The following ARHGEF3 variants were observed in gnomAD, a reference collection of about 807,000 sequenced individuals.
ARHGEF3 encodes Rho guanine nucleotide exchange factor 3, also known as 59.8 kDA protein.
Under a neutral mutation model 63.2 loss-of-function variants are expected in ARHGEF3, and 28 were observed. That is an observed-to-expected ratio of 0.44 (90% CI 0.33 to 0.61). ARHGEF3 has a LOEUF of 0.61. Ranked by LOEUF, ARHGEF3 falls within the 20% of genes least tolerant of loss-of-function variation. The pLI, the probability that ARHGEF3 is intolerant of heterozygous loss-of-function variation, is 0.03. For synonymous variants in ARHGEF3, 266 were observed against 254.2 expected (o/e 1.05, Z -0.44); for missense variants, 533 against 659.3 (o/e 0.81, Z 2.10).
chr3:56,874,324 G>A (rs931888476), intron 4 of ARHGEF3, among the ~76,000 whole-genome samples: 1 of 152,142 alleles, frequency 6.6e-6, no homozygotes, highest in Non-Finnish European at 1.5e-5. Context: ...GGTCTCCTCG[G>A]TGATAAGAGC....
At chr3:57,059,122 C>T (rs1384322271) in intron 1 of ARHGEF3, among the ~76,000 whole-genome samples, 1 of 151,854 alleles carries the variant, frequency 6.6e-6, no homozygotes, top group Non-Finnish European at 1.5e-5. Context: ...GCACATGTAC[C>T]CTAAAACTTA....
intron 4 of ARHGEF3, among the ~76,000 whole-genome samples, chr3:56,822,767 T>G (rs2038561477): frequency 6.7e-6 from 1 of 148,360 alleles, no homozygotes; most frequent in Non-Finnish European, 1.5e-5. Flanking sequence ...TCAACGAGAA[T>G]CACTTGAACC....
At chr3:57,027,623 G>A (rs1179339324) in intron 2 of ARHGEF3, among the ~76,000 whole-genome samples, 1 of 152,152 alleles carries the variant, frequency 6.6e-6, no homozygotes, top group East Asian at 1.9e-4. Context: ...GGGAGGCTGA[G>A]GTGGGTGGAT....
At chr3:56,975,923 T>G in intron 2 of ARHGEF3, 1 of 246,676 alleles carries the variant, frequency 4.1e-6, no homozygotes, top group Non-Finnish European at 8.2e-6. Context: ...AATGGTAAAC[T>G]TTTCTGTGTG....
intron 3 of ARHGEF3, among the ~76,000 whole-genome samples, chr3:56,923,569 T>C (rs1443188861): frequency 1.3e-5 from 2 of 152,110 alleles, no homozygotes; most frequent in African/African-American, 2.4e-5. Context: ...AATGAGAGCA[T>C]AGTTAAAACT....
intron 8 of ARHGEF3, among the ~76,000 whole-genome samples, chr3:56,734,108 A>C (rs1230127962): frequency 6.6e-6 from 1 of 152,098 alleles, no homozygotes; most frequent in East Asian, 1.9e-4. Context: ...CAAAAAGAAA[A>C]TTGCAAAAAT....
intron 1 of ARHGEF3, among the ~76,000 whole-genome samples, chr3:57,078,274 G>T (rs1560183860): frequency 6.6e-6 from 1 of 152,186 alleles, no homozygotes; most frequent in Non-Finnish European, 1.5e-5. Flanking sequence ...CCTGGGTAGT[G>T]CATGGAACGC....
chr3:57,063,546 T>C (rs1233387176), intron 1 of ARHGEF3, among the ~76,000 whole-genome samples: 1 of 151,886 alleles, frequency 6.6e-6, no homozygotes, highest in Non-Finnish European at 1.5e-5. Flanking sequence ...AGAAGAGAGA[T>C]ACAAAAGTCA....
intron 2 of ARHGEF3, among the ~76,000 whole-genome samples, chr3:57,012,560 C>G (rs1702747143): frequency 6.6e-6 from 1 of 152,200 alleles, no homozygotes; most frequent in African/African-American, 2.4e-5. Flanking sequence ...CACGTGGCCA[C>G]TCTTTGTAGT....
At chr3:57,029,141 T>C (rs1248349202) in intron 2 of ARHGEF3, among the ~76,000 whole-genome samples, 1 of 152,026 alleles carries the variant, frequency 6.6e-6, no homozygotes, top group South Asian at 2.1e-4. Context: ...GTAAATAACA[T>C]CTACTTGGGC....
At position 56,907,631 on chromosome 3, in the gene ARHGEF3, C is replaced by T. The variant is rs143608944; in HGVS notation, c.130-25277G>A. On this transcript the variant is annotated intron_variant, in intron 3 of 12. Transcript: ENST00000338458. ...TGGAATCAACCTAGATGCCCATCAA[C>T]GGTAGACTAAATAAAGAAAAAGTTG... is the stretch of plus-strand genomic sequence containing the variant. Among the ~76,000 whole-genome samples the T allele has an allele frequency of 6.1e-3, 932 of 152,150 alleles. 8 individuals are homozygous for T. The highest frequency in any genetic ancestry group is 0.021 in the African/African-American group (882 of 41,520).
intron 2 of ARHGEF3, among the ~76,000 whole-genome samples, chr3:56,974,766 G>T (rs761183577): frequency 6.6e-6 from 1 of 152,126 alleles, no homozygotes; most frequent in Non-Finnish European, 1.5e-5. Flanking sequence ...CCAGGTCACA[G>T]CCTGGCAGAG....
intron 1 of ARHGEF3, among the ~76,000 whole-genome samples, chr3:56,795,537 T>C (rs1194528670): frequency 6.6e-6 from 1 of 152,048 alleles, no homozygotes; most frequent in African/African-American, 2.4e-5. Context: ...AAGGACACAA[T>C]GGTCCAAACA....
intron 2 of ARHGEF3, among the ~76,000 whole-genome samples, chr3:56,985,167 CA>C (rs1371517208): frequency 6.6e-6 from 1 of 152,260 alleles, no homozygotes; most frequent in Non-Finnish European, 1.5e-5. Flanking sequence ...TAGCTCACTG[CA>C]ACCTCTGCCT....
At chr3:56,995,248 A>AG (rs1403389421) in intron 2 of ARHGEF3, among the ~76,000 whole-genome samples, 1 of 152,078 alleles carries the variant, frequency 6.6e-6, no homozygotes, top group Non-Finnish European at 1.5e-5. Flanking sequence ...CTATGAGCTG[A>AG]GGCCGGCGTC....
intron 1 of ARHGEF3, among the ~76,000 whole-genome samples, chr3:56,787,298 G>A (rs1031172109): frequency 4.6e-5 from 7 of 152,122 alleles, no homozygotes; most frequent in Non-Finnish European, 2.9e-5. Flanking sequence ...ACTGTGCAGA[G>A]GGCCACTTGA....
intron 1 of ARHGEF3, among the ~76,000 whole-genome samples, chr3:57,066,651 T>C (rs895848799): frequency 2.0e-5 from 3 of 152,260 alleles, no homozygotes; most frequent in Non-Finnish European, 4.4e-5. Flanking sequence ...GGCTAGACCA[T>C]GGTAACCAGC....
chr3:57,072,959 T>A (rs1381205524), intron 1 of ARHGEF3, among the ~76,000 whole-genome samples: 1 of 152,096 alleles, frequency 6.6e-6, no homozygotes, highest in African/African-American at 2.4e-5. Flanking sequence ...AGCAGGAGAA[T>A]CACTTGAACC....
chr3:56,918,159 T>G (rs2042032643), intron 3 of ARHGEF3, among the ~76,000 whole-genome samples: 1 of 152,188 alleles, frequency 6.6e-6, no homozygotes, highest in Admixed American at 6.5e-5. Context: ...AACTTGAGAT[T>G]AGCTAGCTTT....
Sources: gnomAD v4.1 joint callset for allele counts (sites outside exome capture counted in the v4.1 genomes callset) on GRCh38, gnomAD v4.1.1 for gene constraint, MANE v1.5 for transcripts, NCBI Gene and HGNC (gene_info 2026-07-23, HGNC 2026-07-21) for gene names.